The following XKR4 variants were observed in gnomAD, a reference collection of about 807,000 sequenced individuals.
The protein encoded by XKR4 is XK-related protein 4.
Under a neutral mutation model 53.9 loss-of-function variants are expected in XKR4, and 12 were observed. The observed-to-expected ratio is 0.22, with a 90% CI of 0.14 to 0.36. The LOEUF is 0.36. XKR4 is among the 10% of genes least tolerant of loss of function. The pLI is 1.00. For missense variants in XKR4, 799 were observed against 859.5 expected, an observed-to-expected ratio of 0.93 and a Z score of 0.88; for synonymous variants, 354 against 362.4, an observed-to-expected ratio of 0.98 and a Z score of 0.26.
At chr8:55,516,177 T>C (rs903226312) in intron 2 of XKR4, among the ~76,000 whole-genome samples, 1 of 151,250 alleles carries the variant, frequency 6.6e-6, no homozygotes, top group Non-Finnish European at 1.5e-5. Flanking sequence ...CAAATGCTTG[T>C]TCCTTCTTAA....
At chr8:55,232,072 A>G (rs1045062409) in intron 1 of XKR4, among the ~76,000 whole-genome samples, 7 of 152,204 alleles carry the variant, frequency 4.6e-5, no homozygotes, top group Non-Finnish European at 7.3e-5. Context: ...TCAAAATGGA[A>G]TCTTATCTCA....
chr8:55,536,331 G>C lies in XKR4; in HGVS notation c.*12104G>C, dbSNP rs1448810543. 1 of 152,196 alleles carries C rather than the reference G, an allele frequency of 6.6e-6. No homozygotes were observed. Among genetic ancestry groups the C allele is most frequent in the Non-Finnish European group, 1.5e-5 (1 of 68,022 alleles). 9.4% of individuals were successfully genotyped at this position (152,196 alleles called of 1,614,324 possible). ...AGCTCTGATTCTTCCTCCTGACTAA[G>C]TTTCTTTTCTTTGGGGGGCTTTCAA... is the stretch of plus-strand genomic sequence containing the variant. On this transcript the variant is annotated 3_prime_UTR_variant, in exon 3 of 3. Coordinates refer to ENST00000327381, the MANE Select transcript of XKR4 (RefSeq NM_052898.2).
intron 1 of XKR4, among the ~76,000 whole-genome samples, chr8:55,193,728 T>C (rs1249197146): frequency 1.3e-5 from 2 of 152,232 alleles, no homozygotes; most frequent in African/African-American, 2.4e-5. Context: ...TGTGGTTTGC[T>C]TAGGACCCCG....
chr8:55,266,665 A>AT (rs1818606276), intron 1 of XKR4, among the ~76,000 whole-genome samples: 1 of 152,050 alleles, frequency 6.6e-6, no homozygotes, highest in Admixed American at 6.6e-5. Flanking sequence ...AGGTTTTGTG[A>AT]TTTTCTGGAC....
intron 1 of XKR4, among the ~76,000 whole-genome samples, chr8:55,146,016 G>A (rs941420143): frequency 5.3e-5 from 8 of 152,238 alleles, no homozygotes; most frequent in African/African-American, 1.9e-4. Context: ...TGGGTGAGAT[G>A]TGAAGGAAAA....
At chr8:55,164,581 A>G (rs892964927) in intron 1 of XKR4, 1 of 381,078 alleles carries the variant, frequency 2.6e-6, no homozygotes, top group Admixed American at 3.1e-5. Context: ...ATGAATGCCC[A>G]TGGGCCTAGC....
chr8:55,115,078 G>A (rs897940200), intron 1 of XKR4, among the ~76,000 whole-genome samples: 7 of 152,142 alleles, frequency 4.6e-5, no homozygotes, highest in East Asian at 3.9e-4. Context: ...CTTCTCAGAC[G>A]TGCAGAATCT....
At chr8:55,390,148 G>A (rs1229612156) in intron 2 of XKR4, among the ~76,000 whole-genome samples, 1 of 152,162 alleles carries the variant, frequency 6.6e-6, no homozygotes, top group Non-Finnish European at 1.5e-5. Context: ...GCATGTGGAG[G>A]CTTCTGGCTA....
intron 2 of XKR4, among the ~76,000 whole-genome samples, chr8:55,499,000 G>A (rs978876842): frequency 3.3e-5 from 5 of 152,324 alleles, no homozygotes; most frequent in South Asian, 2.1e-4. Context: ...ATTCAAGGCC[G>A]TAAATAAAGC....
intron 1 of XKR4, among the ~76,000 whole-genome samples, chr8:55,166,052 C>G (rs1397711113): frequency 6.6e-6 from 1 of 151,918 alleles, no homozygotes; most frequent in Non-Finnish European, 1.5e-5. Context: ...TTAATGGGAG[C>G]AGGAAAACAT....
At chr8:55,159,422 T>C (rs1816953903) in intron 1 of XKR4, among the ~76,000 whole-genome samples, 1 of 152,172 alleles carries the variant, frequency 6.6e-6, no homozygotes, top group Admixed American at 6.5e-5. Flanking sequence ...CACACACACA[T>C]TTTATATTAC....
intron 1 of XKR4, among the ~76,000 whole-genome samples, chr8:55,192,439 A>C (rs1349641782): frequency 6.6e-6 from 1 of 152,088 alleles, no homozygotes; most frequent in Non-Finnish European, 1.5e-5. Context: ...TGTTTTGTTT[A>C]TGCAATTTTT....
intron 1 of XKR4, among the ~76,000 whole-genome samples, chr8:55,276,430 C>T (rs111553705): frequency 0.01 from 1,561 of 152,340 alleles, 11 homozygotes; most frequent in Non-Finnish European, 0.016. Context: ...GTCAATACAA[C>T]AATAGCGATA....
In XKR4 at chr8:55,203,184, G is replaced by A. The variant is rs551841508; in HGVS notation, c.806+99890G>A. On this transcript the variant is annotated intron_variant, in intron 1 of 2. Transcript: ENST00000327381. ...GTGATTCATTGTCTGTAATAATAAA[G>A]CACTGGCCCGCCAAGCACGGCGCCT... Among the ~76,000 whole-genome samples the A allele has an allele frequency of 1.4e-3, 217 of 151,590 alleles. 2 individuals carry two copies. Among genetic ancestry groups the A allele is most frequent in the African/African-American group, 5.2e-3 (211 of 40,844 alleles).
intron 1 of XKR4, among the ~76,000 whole-genome samples, chr8:55,280,286 C>T (rs1818825373): frequency 1.3e-5 from 2 of 152,088 alleles, no homozygotes; most frequent in African/African-American, 2.4e-5. Flanking sequence ...GTTTGTTAGG[C>T]GCCCACTGAG....
At chr8:55,300,191 A>G (rs575164523) in intron 1 of XKR4, among the ~76,000 whole-genome samples, 2 of 152,242 alleles carry the variant, frequency 1.3e-5, no homozygotes, top group South Asian at 4.2e-4. Flanking sequence ...CATTATTGAT[A>G]AGGGAGTCGC....
intron 2 of XKR4, among the ~76,000 whole-genome samples, chr8:55,483,357 A>G (rs1204547677): frequency 1.3e-5 from 2 of 152,200 alleles, no homozygotes; most frequent in African/African-American, 4.8e-5. Flanking sequence ...TCATCCAAGA[A>G]TTTTAAAAAT....
chr8:55,308,878 T>C (rs1322194205), intron 1 of XKR4, among the ~76,000 whole-genome samples: 1 of 152,198 alleles, frequency 6.6e-6, no homozygotes, highest in Non-Finnish European at 1.5e-5. Context: ...TTAAGATTGC[T>C]TATCAGCTGT....
chr8:55,334,127 C>A (rs1803419469), intron 1 of XKR4, among the ~76,000 whole-genome samples: 1 of 151,976 alleles, frequency 6.6e-6, no homozygotes, highest in Admixed American at 6.6e-5. Flanking sequence ...ATTAAACAAA[C>A]CTAAGTTATA....
Sources: gnomAD v4.1 joint callset for allele counts (sites outside exome capture counted in the v4.1 genomes callset) on GRCh38, gnomAD v4.1.1 for gene constraint, MANE v1.5 for transcripts, NCBI Gene and HGNC (gene_info 2026-07-23, HGNC 2026-07-21) for gene names.